Variants in LIN54 observed in about 807,000 individuals in gnomAD.
LIN54 encodes protein lin-54 homolog.
LIN54 carries 9 observed loss-of-function variants against 78.7 expected under a neutral mutation model. The ratio of observed to expected loss-of-function variants is 0.11; its 90% CI spans 0.07 to 0.20. The LOEUF (loss-of-function observed/expected upper bound fraction) is 0.20, where lower values mean the gene tolerates loss of function less well. LIN54 is among the 10% of genes least tolerant of loss of function. LIN54 has a pLI of 1.00. For synonymous variants in LIN54, 269 were observed against 318.4 expected, an observed-to-expected ratio of 0.84 and a Z score of 1.65; for missense variants, 573 against 889.9, an observed-to-expected ratio of 0.64 and a Z score of 4.53.
intron 2 of LIN54, among the ~76,000 whole-genome samples, chr4:82,983,301 C>A (rs1726833317): frequency 6.6e-6 from 1 of 152,100 alleles, no homozygotes; most frequent in Non-Finnish European, 1.5e-5. Context: ...GCTTAAGCCA[C>A]CACGCCCCGC....
rs185714480 is a variant in LIN54, at chr4:82,927,560, A to T, written c.*542T>A. ...GATTGTTTCCCCTTCTGACATTCCC[A>T]AAGTGACAACAGGATATTATTCCAG... On this transcript the variant is annotated 3_prime_UTR_variant, in exon 13 of 13. Transcript: ENST00000340417. 2.0e-5 allele frequency: 3 copies of T among 152,470 alleles called. No individual in the cohort carries two copies. Among genetic ancestry groups the T allele is most frequent in the Non-Finnish European group, 2.9e-5 (2 of 68,048 alleles). 9.4% of individuals were successfully genotyped at this position (152,470 alleles called of 1,614,324 possible).
intron 5 of LIN54, among the ~76,000 whole-genome samples, chr4:82,941,149 G>GATATATATATAGATATATAT (rs1553947747): frequency 2.3e-5 from 3 of 131,140 alleles, no homozygotes; most frequent in African/African-American, 9.2e-5. Flanking sequence ...GAGTTAAGAG[G>GATATATATATAGATATATAT]ATATATATAT....
In LIN54 at chr4:82,984,309, G is replaced by T. The variant is rs1315799115; in HGVS notation, c.536C>A (p.Pro179Gln). 1 of 1,614,124 alleles carries T rather than the reference G, an allele frequency of 6.2e-7. No homozygotes were observed. The highest frequency in any genetic ancestry group is 8.5e-7 in the Non-Finnish European group (1 of 1,180,020). Residue 179 changes from proline to glutamine, a missense_variant, in exon 2 of 13, where the codon CCA becomes CAA. This residue lies in a region of LIN54 where 183 missense variants were observed against 228.4 expected (regional missense o/e 0.80). Coordinates refer to ENST00000340417, the MANE Select transcript of LIN54 (RefSeq NM_194282.4). ...TQAQSGDAKLPPQQIKVVTIG... is the reference protein window; with the variant it reads ...TQAQSGDAKLQPQQIKVVTIG... Reference sequence around the variant, plus strand: ...GGTAACTACTTTAATTTGCTGCGGTGGTAACTTAGCATCTCCTGACTGGGC... The same window carrying T: ...GGTAACTACTTTAATTTGCTGCGGTTGTAACTTAGCATCTCCTGACTGGGC...
Position 82,978,891 on chromosome 4 carries a change from A to T in LIN54, c.800T>A (p.Val267Asp). 6.5e-7 allele frequency: 1 copy of T among 1,541,810 alleles called. No individual in the cohort carries two copies. The highest frequency in any genetic ancestry group is 8.9e-7 in the Non-Finnish European group (1 of 1,121,060). The change falls in exon 3 of 13, where the codon GTT becomes GAT. Residue 267 changes from valine (V) to aspartate (D), a missense_variant. Transcript: ENST00000340417. ...TGQTTQVSPP[V>D]IAGRVLSQST... The stretch of plus-strand genomic sequence containing the variant: ...CTATAAAGAAATATAACCTGCAATA[A>T]CTGGTGGTGAAACTTGAGTTGTCTG...
At chr4:82,953,405 T>G (rs1560739517) in intron 4 of LIN54, among the ~76,000 whole-genome samples, 1 of 152,226 alleles carries the variant, frequency 6.6e-6, no homozygotes, top group Non-Finnish European at 1.5e-5. Flanking sequence ...TTAATATCAC[T>G]GAACTGTATA....
chr4:82,970,450 A>G lies in LIN54; in HGVS notation c.828T>C (p.Ser276=), dbSNP rs1202792852. ...PVIAGRVLSQ[S]TPGTPSKTIT... ...TGGTCTTTGATGGAGTTCCGGGAGT[A>G]GACTGTGAAAGAACCCTACCTGCAA... The change falls in exon 4 of 13, where the codon TCT becomes TCC. Residue 276 remains serine, a synonymous_variant. Transcript: ENST00000340417. 6.2e-7 allele frequency: 1 copy of G among 1,610,522 alleles called. No individual in the cohort carries two copies. Among genetic ancestry groups the G allele is most frequent in the Non-Finnish European group, 8.5e-7 (1 of 1,178,844 alleles).
intron 1 of LIN54, among the ~76,000 whole-genome samples, chr4:82,995,928 C>T: frequency 6.6e-6 from 1 of 151,662 alleles, no homozygotes. Flanking sequence ...GGTGGATCAC[C>T]TGAGGTCAGG....
chr4:82,928,123 G>T lies in LIN54; in HGVS notation c.2229C>A (p.Asp743Glu), dbSNP rs768400637. ...AGAGTTAGCAATTCATGGCACAAGG[G>T]TCACTTTTTGCCTTTCCTGCAGAGT... is the stretch of plus-strand genomic sequence containing the variant. ...VINSAGKAKS[D>E]PCAMNC The change falls in exon 13 of 13, where the codon GAC becomes GAA. Residue 743 changes from aspartate to glutamate, a missense_variant. Around this residue, in one of 6 missense-constraint regions of LIN54, gnomAD observed 82 missense variants for 140.8 expected, o/e 0.58. Coordinates refer to ENST00000340417, the MANE Select transcript of LIN54 (RefSeq NM_194282.4). The T allele has an allele frequency of 4.3e-6, 7 of 1,614,144 alleles. No homozygotes were observed. Among genetic ancestry groups the T allele is most frequent in the Non-Finnish European group, 5.1e-6 (6 of 1,179,988 alleles).
intron 8 of LIN54, 136 bp downstream of exon 8, chr4:82,938,277 C>G (rs1340020562): frequency 7.3e-5 from 39 of 535,546 alleles, no homozygotes; most frequent in Non-Finnish European, 1.7e-5. Flanking sequence ...TGAAATATTT[C>G]AACAAGTATT....
Position 82,938,428 on chromosome 4 carries a change from CG to C in LIN54, c.1516del (p.Arg506GlyfsTer7). On this transcript the variant is annotated frameshift_variant, in exon 8 of 13. Transcript: ENST00000340417. LOFTEE classifies it high-confidence loss of function. ...AAATACTCACCCATTGAATGGAAGC[CG>C]TGCCTGGGTCTGGATACCAGATGTT... ...TGTSGIQTQA[R>X]LPFNGIIPSE... 6.2e-7 allele frequency: 1 copy of C among 1,605,054 alleles called. No homozygotes were observed. The highest frequency in any genetic ancestry group is 8.5e-7 in the Non-Finnish European group (1 of 1,171,900).
In LIN54 at chr4:82,925,737, G is replaced by A. The variant is rs1721416187; in HGVS notation, c.*2365C>T. 1 of 152,644 alleles carries A rather than the reference G, an allele frequency of 6.6e-6. No homozygotes were observed. Among genetic ancestry groups the A allele is most frequent in the African/African-American group, 2.4e-5 (1 of 41,554 alleles). 9.5% of individuals were successfully genotyped at this position (152,644 alleles called of 1,614,324 possible). A position where few individuals can be genotyped will look rare whatever the true frequency, so the allele number is the denominator to read the frequency against. ...ACCTTTTTTACAGAATAGTATAAAT[G>A]TTTATTTTCTGTATGATTTACTTTG... On this transcript the variant is annotated 3_prime_UTR_variant, in exon 13 of 13. Coordinates refer to ENST00000340417, the MANE Select transcript of LIN54 (RefSeq NM_194282.4).
chr4:83,011,082 G>A (rs1388699368), upstream of LIN54, among the ~76,000 whole-genome samples: 1 of 152,210 alleles, frequency 6.6e-6, no homozygotes, highest in African/African-American at 2.4e-5. Context: ...TGCGGAGGGT[G>A]GCATAAGGAC....
intron 1 of LIN54, chr4:83,003,429 A>C (rs1729034624): frequency 6.6e-6 from 1 of 152,236 alleles, no homozygotes; most frequent in South Asian, 2.1e-4. Context: ...GTTCTGATGA[A>C]GTTTTGAAAG....
At chr4:82,961,782 G>A (rs1357590069) in intron 4 of LIN54, among the ~76,000 whole-genome samples, 3 of 151,906 alleles carry the variant, frequency 2.0e-5, no homozygotes, top group South Asian at 2.1e-4. Flanking sequence ...GTGATACCCC[G>A]TCTCTACTAA....
chr4:82,993,762 C>G (rs536994259), intron 1 of LIN54, among the ~76,000 whole-genome samples: 1 of 151,910 alleles, frequency 6.6e-6, no homozygotes, highest in South Asian at 2.1e-4. Flanking sequence ...GGATTAGAGG[C>G]GCATGCCACC....
intron 5 of LIN54, among the ~76,000 whole-genome samples, chr4:82,940,423 C>CT (rs1268822833): frequency 6.6e-6 from 1 of 152,060 alleles, no homozygotes. Flanking sequence ...GAGACTCACT[C>CT]TGTCTGTCAC....
intron 3 of LIN54, among the ~76,000 whole-genome samples, chr4:82,977,867 C>T (rs1726288951): frequency 6.6e-6 from 1 of 152,002 alleles, no homozygotes; most frequent in Non-Finnish European, 1.5e-5. Flanking sequence ...GGATTAAAGA[C>T]CAATCACTTG....
intron 1 of LIN54, among the ~76,000 whole-genome samples, chr4:83,002,429 G>T (rs1307117377): frequency 2.7e-5 from 4 of 145,828 alleles, no homozygotes; most frequent in African/African-American, 1.0e-4. Flanking sequence ...GGATAGAAAG[G>T]AGGGAGGGAG....
intron 2 of LIN54, among the ~76,000 whole-genome samples, chr4:82,983,316 C>G (rs1264045593): frequency 1.3e-5 from 2 of 152,048 alleles, no homozygotes; most frequent in Non-Finnish European, 2.9e-5. Context: ...CCCCGCCGAT[C>G]ACTGCATTTC....
Sources: allele counts gnomAD v4.1 joint callset (sites outside exome capture counted in the v4.1 genomes callset), GRCh38; gene constraint gnomAD v4.1.1; regional missense constraint gnomAD v4.1.1; transcripts MANE v1.5; gene names NCBI Gene and HGNC (gene_info 2026-07-23, HGNC 2026-07-21).